KIF1B: variants seen among roughly 807,000 people sequenced by gnomAD.
KIF1B encodes the protein kinesin family member 1B, also known as kinesin-like protein KIF1B.
In KIF1B, 76 loss-of-function variants were observed where a neutral mutation model predicts 241.9. The observed-to-expected ratio is 0.31, with a 90% CI of 0.26 to 0.38. KIF1B has a LOEUF of 0.38. Among genes scored for constraint, KIF1B ranks in the 10% least tolerant of loss-of-function variants. The pLI, the probability that KIF1B is intolerant of heterozygous loss-of-function variation, is 1.00. For missense variants in KIF1B, 1,622 were observed against 2,271.4 expected (o/e 0.71, Z 5.81); for synonymous variants, 750 against 796.7 (o/e 0.94, Z 0.99).
intron 1 of KIF1B, among the ~76,000 whole-genome samples, chr1:10,223,398 T>C (rs1207436869): frequency 6.6e-6 from 1 of 152,200 alleles, no homozygotes; most frequent in Non-Finnish European, 1.5e-5. Context: ...TTGATGGATG[T>C]CTATTATAAT....
chr1:10,234,804 G>C (rs984770424), intron 2 of KIF1B, among the ~76,000 whole-genome samples: 1 of 152,048 alleles, frequency 6.6e-6, no homozygotes, highest in African/African-American at 2.4e-5. Flanking sequence ...TTGCAGGTAT[G>C]AGCCACTGTA....
chr1:10,310,462 T>G (rs1651018375), intron 22 of KIF1B, among the ~76,000 whole-genome samples: 1 of 151,632 alleles, frequency 6.6e-6, no homozygotes, highest in Admixed American at 6.6e-5. Context: ...GTGAAACTGT[T>G]CAACTCTATT....
At chr1:10,231,378 C>CTTTTTTTTTTTTTTTTT (rs35213507) in intron 1 of KIF1B, among the ~76,000 whole-genome samples, 4 of 85,718 alleles carry the variant, frequency 4.7e-5, no homozygotes, top group African/African-American at 1.5e-4. Flanking sequence ...GTTCAGTGCC[C>CTTTTTTTTTTTTTTTTT]TTTTTTTTTT....
At chr1:10,352,820 TC>T in intron 38 of KIF1B, 84 bp downstream of exon 38, 2 of 962,004 alleles carry the variant, frequency 2.1e-6, no homozygotes, top group Non-Finnish European at 3.3e-6. Flanking sequence ...CATTAATGAC[TC>T]CCAGTTCGGA....
At chr1:10,218,214 A>G (rs1316049934) in intron 1 of KIF1B, among the ~76,000 whole-genome samples, 1 of 152,112 alleles carries the variant, frequency 6.6e-6, no homozygotes, top group East Asian at 1.9e-4. Context: ...CTTCATGGAT[A>G]CTGCCCTTGC....
chr1:10,327,497 G>A (rs776408116), intron 27 of KIF1B, among the ~76,000 whole-genome samples: 6 of 135,780 alleles, frequency 4.4e-5, no homozygotes, highest in Non-Finnish European at 7.6e-5. Flanking sequence ...GCGAAACTCC[G>A]TCTCAAAAAA....
At chr1:10,335,330 G>C (rs539889175) in intron 28 of KIF1B, among the ~76,000 whole-genome samples, 15 of 152,256 alleles carry the variant, frequency 9.9e-5, no homozygotes, top group Non-Finnish European at 1.9e-4. Context: ...TCAACTCACT[G>C]CAATCTCTGC....
intron 22 of KIF1B, among the ~76,000 whole-genome samples, chr1:10,319,817 G>GT (rs1651452788): frequency 6.6e-6 from 1 of 152,170 alleles, no homozygotes; most frequent in African/African-American, 2.4e-5. Context: ...ACATACTGCA[G>GT]TGAGTTTTTT....
At position 10,295,162 on chromosome 1, in the gene KIF1B, C is replaced by T. The variant is rs1650199395; in HGVS notation, c.1667C>T (p.Thr556Ile). Residue 556 changes from threonine to isoleucine, a missense_variant, in exon 18 of 49, where the codon ACA (threonine) becomes ATA (isoleucine). By Grantham distance (89) the Thr-to-Ile change is moderately conservative. Transcript: ENST00000676179. ...CLLYYIKDGI[T>I]RVGQADAERR... is the part of the protein sequence containing the mutation. ...CTTTATTACATCAAAGATGGAATTA[C>T]AAGGTATATTTATTTCCTGTTTTGG... 1 of 1,565,060 alleles carries T rather than the reference C, an allele frequency of 6.4e-7. No homozygotes were observed. The highest frequency in any genetic ancestry group is 1.1e-5 in the South Asian group (1 of 90,076).
chr1:10,303,396 T>C lies in KIF1B; in HGVS notation c.2115+6150T>C, dbSNP rs756697948. 6.2e-7 allele frequency: 1 copy of C among 1,614,100 alleles called. No individual in the cohort carries two copies. The highest frequency in any genetic ancestry group is 1.3e-5 in the African/African-American group (1 of 74,916). The stretch of plus-strand genomic sequence containing the variant: ...GGGTCACAATCTCAGATCTTAAAAT[T>C]CAGGCTGTCAAAGAGATTTGCTATG... On this transcript the variant is annotated intron_variant, in intron 22 of 48. Coordinates refer to ENST00000676179, the MANE Select transcript of KIF1B (RefSeq NM_001365951.3). The surrounding 1 kb of genome is among the most constrained non-coding windows in gnomAD (Gnocchi z 5.2).
chr1:10,333,923 C>T (rs1465780655), intron 27 of KIF1B, among the ~76,000 whole-genome samples: 3 of 151,734 alleles, frequency 2.0e-5, no homozygotes, highest in Non-Finnish European at 2.9e-5. Flanking sequence ...GAGGCCGAGG[C>T]GGGTGGATCA....
At chr1:10,329,064 T>C (rs1023215387) in intron 27 of KIF1B, among the ~76,000 whole-genome samples, 2 of 152,250 alleles carry the variant, frequency 1.3e-5, no homozygotes, top group African/African-American at 4.8e-5. Flanking sequence ...GTTTTCTTTC[T>C]TTTAATCATG....
At position 10,381,304 on chromosome 1, in the gene KIF1B, T is replaced by C. The variant is rs768178623; in HGVS notation, c.*4717T>C. The C allele has an allele frequency of 1.3e-4, 29 of 226,548 alleles. No homozygotes were observed. The highest frequency in any genetic ancestry group is 2.0e-4 in the Non-Finnish European group (23 of 113,626). The allele number at this position is 226,548 out of a possible 1,614,324, so 14.0% of individuals were successfully genotyped here. On this transcript the variant is annotated 3_prime_UTR_variant, in exon 49 of 49. Transcript: ENST00000676179. Reference sequence around the variant, plus strand: ...AACCCATAATGCATAAGTGGCCTTTTTGAACCAAGACTTTGCAAACTGATC... The same window carrying C: ...AACCCATAATGCATAAGTGGCCTTTCTGAACCAAGACTTTGCAAACTGATC...
rs35072176 is a variant in KIF1B, at chr1:10,351,073, C to CAAAA, written c.3950-1544_3950-1541dup. ...ACTGCATGACAGAACAAGACCCTGT[C>CAAAA]AAAAAAAAAAAAAAAAAGAATCGTT... On this transcript the variant is annotated intron_variant, in intron 37 of 48. Transcript: ENST00000676179. Among the ~76,000 whole-genome samples, 266 of 104,620 alleles carry CAAAA rather than the reference C, an allele frequency of 2.5e-3. 1 individual carries two copies. The highest frequency in any genetic ancestry group is 8.9e-3 in the African/African-American group (250 of 28,102). The allele number at this position is 104,620 out of a possible 152,430, so 68.6% of individuals were successfully genotyped here.
intron 38 of KIF1B, among the ~76,000 whole-genome samples, chr1:10,353,590 C>T (rs1652874122): frequency 6.6e-6 from 1 of 152,004 alleles, no homozygotes; most frequent in Admixed American, 6.6e-5. Flanking sequence ...TCAGTCTGCT[C>T]CTGAAAAACT....
chr1:10,331,109 A>AG (rs1557718492), intron 27 of KIF1B, among the ~76,000 whole-genome samples: 1 of 148,890 alleles, frequency 6.7e-6, no homozygotes, highest in East Asian at 1.9e-4. Flanking sequence ...AAAAAAAAAA[A>AG]GACATCAAAG....
rs1652204254 is a variant in KIF1B at position 10,337,010 on chromosome 1, G to C, written c.3130-64G>C. On this transcript the variant is annotated intron_variant, in intron 29 of 48. Transcript: ENST00000676179. This position sits in a 1 kb window ranked among gnomAD's most constrained non-coding sequence, Gnocchi z 4.0. ...TGTTGGACAGATAAACAGAAGTAAGGCAACTGGGGAAAAATACGTTTTTAT... is the reference window on the plus strand; with the variant it reads ...TGTTGGACAGATAAACAGAAGTAAGCCAACTGGGGAAAAATACGTTTTTAT... 6.2e-7 allele frequency: 1 copy of C among 1,604,076 alleles called. No individual in the cohort carries two copies. The highest frequency in any genetic ancestry group is 8.5e-7 in the Non-Finnish European group (1 of 1,172,496).
chr1:10,246,635 T>G (rs555755964), intron 2 of KIF1B, among the ~76,000 whole-genome samples: 1 of 152,052 alleles, frequency 6.6e-6, no homozygotes, highest in Non-Finnish European at 1.5e-5. Flanking sequence ...TCCCAGCTAC[T>G]CAGGAAGCCG....
Position 10,304,552 on chromosome 1 carries a change from A to G in KIF1B, c.2115+7306A>G. On this transcript the variant is annotated intron_variant, in intron 22 of 48. Coordinates refer to ENST00000676179, the MANE Select transcript of KIF1B (RefSeq NM_001365951.3). ...CACTTCCTATCAGAAGCAGACTGACAAACCCAGCCACTGTAGCCAGTTTGT... is the reference window on the plus strand; with the variant it reads ...CACTTCCTATCAGAAGCAGACTGACGAACCCAGCCACTGTAGCCAGTTTGT... 6.2e-7 allele frequency: 1 copy of G among 1,614,144 alleles called. No homozygotes were observed. Among genetic ancestry groups the G allele is most frequent in the African/African-American group, 1.3e-5 (1 of 75,054 alleles).
Sources: gnomAD v4.1 joint callset for allele counts (sites outside exome capture counted in the v4.1 genomes callset) on GRCh38, gnomAD v4.1.1 for gene constraint, Gnocchi (gnomAD v3.1) non-coding constraint, MANE v1.5 for transcripts, NCBI Gene and HGNC (gene_info 2026-07-23, HGNC 2026-07-21) for gene names.